Variants in LRBA observed in about 807,000 individuals in gnomAD.
The protein encoded by LRBA is LPS responsive beige-like anchor protein, also known as lipopolysaccharide-responsive and beige-like anchor protein.
Under a neutral mutation model 330.0 loss-of-function variants are expected in LRBA, and 176 were observed. The observed-to-expected ratio is 0.53, with a 90% CI of 0.47 to 0.60. The LOEUF is 0.60. LRBA is among the 20% of genes least tolerant of loss of function. The pLI, the probability that LRBA is intolerant of heterozygous loss-of-function variation, is 0.00. For synonymous variants in LRBA, 1,230 were observed against 1,193.0 expected, an observed-to-expected ratio of 1.03 and a Z score of -0.64; for missense variants, 3,259 against 3,444.8, an observed-to-expected ratio of 0.95 and a Z score of 1.35.
Position 150,490,977 on chromosome 4 carries a change from A to G in LRBA, c.6389T>C (p.Ile2130Thr). The change falls in exon 41 of 57, where the codon ATC (isoleucine) becomes ACC (threonine). Residue 2130 changes from isoleucine (I) to threonine (T), a missense_variant. Transcript: ENST00000651943. The part of the protein sequence containing the change: ...GKWLFTEIRS[I>T]FSRRYLLQNT... ...TTGCAAAAGATAACGACGAGAAAAG[A>G]TTGATCGTATCTCTGTGAACAGCCA... 1 of 1,610,490 alleles carries G rather than the reference A, an allele frequency of 6.2e-7. No homozygotes were observed. The highest frequency in any genetic ancestry group is 8.5e-7 in the Non-Finnish European group (1 of 1,177,660).
intron 33 of LRBA, among the ~76,000 whole-genome samples, chr4:150,801,572 C>T (rs1277501878): frequency 1.3e-5 from 2 of 152,208 alleles, no homozygotes; most frequent in Non-Finnish European, 2.9e-5. Context: ...TGTATGCACA[C>T]CTGCCTTTAG....
chr4:150,378,678 G>C (rs1264360424), intron 47 of LRBA, among the ~76,000 whole-genome samples: 1 of 152,092 alleles, frequency 6.6e-6, no homozygotes, highest in African/African-American at 2.4e-5. Flanking sequence ...AAACAGCTCT[G>C]GTAAACAGAA....
At chr4:150,889,290 C>A (rs1248890601) in intron 17 of LRBA, among the ~76,000 whole-genome samples, 6 of 147,448 alleles carry the variant, frequency 4.1e-5, no homozygotes, top group African/African-American at 7.5e-5. Flanking sequence ...TGATTTTCCA[C>A]AAAAAAAAAA....
chr4:150,686,578 A>T (rs893948790), intron 36 of LRBA, among the ~76,000 whole-genome samples: 7 of 152,176 alleles, frequency 4.6e-5, no homozygotes, highest in African/African-American at 1.4e-4. Flanking sequence ...ATCTAACCCA[A>T]CCATACACTA....
intron 40 of LRBA, among the ~76,000 whole-genome samples, chr4:150,556,283 CTGAT>C (rs1767304016): frequency 1.3e-5 from 2 of 152,062 alleles, no homozygotes; most frequent in Non-Finnish European, 2.9e-5. Context: ...TAAAAACTAT[CTGAT>C]GGATGGTAAT....
At chr4:150,867,988 T>C (rs1560938009) in intron 21 of LRBA, 125 bp from the exon 22 acceptor site, 1 of 930,364 alleles carries the variant, frequency 1.1e-6, no homozygotes, top group Non-Finnish European at 1.6e-6. Context: ...CATTTAGTTA[T>C]ACATTAAGAA....
intron 37 of LRBA, 70 bp downstream of exon 37, chr4:150,683,481 C>A: frequency 8.3e-7 from 1 of 1,200,260 alleles, no homozygotes; most frequent in Non-Finnish European, 1.2e-6. Flanking sequence ...TGATCATATC[C>A]AAAGTCATTT....
At position 150,657,731 on chromosome 4, in the gene LRBA, A is replaced by G. The variant is rs141613633; in HGVS notation, c.5921+25820T>C. 2.6e-5 allele frequency among the ~76,000 whole-genome samples: 4 copies of G among 152,276 alleles called. No homozygotes were observed. In the East Asian group the frequency reaches 5.8e-4, roughly 22 times the overall value. ...TTTCGTTTCCCAAAAATATTAAAAA[A>G]CTGAGATTTTTTAACTTAATAGTAA... On this transcript the variant is annotated intron_variant, in intron 37 of 56. Transcript: ENST00000651943.
intron 40 of LRBA, among the ~76,000 whole-genome samples, chr4:150,538,751 A>T (rs1393256189): frequency 6.6e-6 from 1 of 151,056 alleles, no homozygotes; most frequent in Non-Finnish European, 1.5e-5. Context: ...GCTTGAGCCC[A>T]GGCTCAGTGA....
At chr4:150,661,393 C>T (rs1227462134) in intron 37 of LRBA, among the ~76,000 whole-genome samples, 1 of 150,310 alleles carries the variant, frequency 6.7e-6, no homozygotes, top group Non-Finnish European at 1.5e-5. Context: ...GCTGGGAAAG[C>T]CAGGAGGCGG....
At position 150,282,433 on chromosome 4, in the gene LRBA, G is replaced by A. The variant is rs776669266; in HGVS notation, c.8316+17C>T. On this transcript the variant is annotated intron_variant, in intron 55 of 56. Transcript: ENST00000651943. ...AGGTAAAAGTCGTGAATGCTGAAGA[G>A]TCCCCAGGGCACTCACTCTTATGTT... 6.2e-7 allele frequency: 1 copy of A among 1,609,016 alleles called. No individual in the cohort carries two copies. The highest frequency in any genetic ancestry group is 1.1e-5 in the South Asian group (1 of 90,240).
intron 2 of LRBA, among the ~76,000 whole-genome samples, chr4:150,994,403 C>A (rs1211763359): frequency 6.6e-6 from 1 of 152,146 alleles, no homozygotes; most frequent in East Asian, 1.9e-4. Context: ...AAAGAGGGAA[C>A]CTAAAGCACT....
chr4:150,591,097 C>A (rs1436274703), intron 38 of LRBA, among the ~76,000 whole-genome samples: 1 of 152,168 alleles, frequency 6.6e-6, no homozygotes, highest in African/African-American at 2.4e-5. Flanking sequence ...TTGACCCCTG[C>A]ACTGCTCACC....
intron 53 of LRBA, among the ~76,000 whole-genome samples, chr4:150,301,188 C>T (rs75791947): frequency 0.016 from 2,469 of 151,776 alleles, 29 homozygotes; most frequent in Middle Eastern, 0.054. Context: ...GAAGAAGGAC[C>T]AGAATATTGT....
intron 46 of LRBA, among the ~76,000 whole-genome samples, chr4:150,418,165 A>G (rs1748062809): frequency 6.6e-6 from 1 of 151,996 alleles, no homozygotes; most frequent in Non-Finnish European, 1.5e-5. Context: ...CTATAGGAAT[A>G]CACTACCATG....
Position 150,788,873 on chromosome 4 carries a change from G to T in LRBA, c.5580+9208C>A, listed in dbSNP as rs1352821355. On this transcript the variant is annotated intron_variant, in intron 34 of 56. Coordinates refer to ENST00000651943, the MANE Select transcript of LRBA (RefSeq NM_001364905.1). ...GTGGATCACCTGAGGTCAAGAGTTC[G>T]AGACCTGCCTGGCCAACATGGTGAA... Among the ~76,000 whole-genome samples the T allele has an allele frequency of 2.7e-5, 4 of 150,106 alleles. No individual in the cohort carries two copies. The East Asian group carries it at 7.9e-4, about 30-fold the overall frequency.
intron 40 of LRBA, among the ~76,000 whole-genome samples, chr4:150,556,205 C>T (rs979692882): frequency 3.9e-5 from 6 of 151,996 alleles, no homozygotes; most frequent in African/African-American, 1.4e-4. Flanking sequence ...AACATGCTCT[C>T]CAATAGCTTT....
chr4:150,439,394 T>C (rs1398137069), intron 44 of LRBA, among the ~76,000 whole-genome samples: 1 of 152,156 alleles, frequency 6.6e-6, no homozygotes, highest in Non-Finnish European at 1.5e-5. Flanking sequence ...GTATTGATTT[T>C]GGCTGTTATT....
At chr4:150,745,793 C>CTGGGATTT (rs1191692931) in intron 35 of LRBA, among the ~76,000 whole-genome samples, 39 of 151,478 alleles carry the variant, frequency 2.6e-4, no homozygotes, top group Non-Finnish European at 4.4e-5. Flanking sequence ...GGATTACAGG[C>CTGGGATTT]GTCAGCCACT....
Sources: gnomAD v4.1 joint callset for allele counts (sites outside exome capture counted in the v4.1 genomes callset) on GRCh38, gnomAD v4.1.1 for gene constraint, MANE v1.5 for transcripts, NCBI Gene and HGNC (gene_info 2026-07-23, HGNC 2026-07-21) for gene names.